The following SPTBN5 variants were observed in gnomAD, a reference collection of about 807,000 sequenced individuals.
The protein encoded by SPTBN5 is spectrin beta chain, non-erythrocytic 5.
Under a neutral mutation model 477.6 loss-of-function variants are expected in SPTBN5, and 513 were observed. The observed-to-expected ratio is 1.07, with a 90% CI of 1.00 to 1.16. The LOEUF (loss-of-function observed/expected upper bound fraction) is 1.16. Ranked by LOEUF, SPTBN5 falls within the 50% of genes most tolerant of loss-of-function variation. SPTBN5 has a pLI of 0.00. For synonymous variants in SPTBN5, 2,169 were observed against 2,011.7 expected (o/e 1.08, Z -2.09); for missense variants, 5,062 against 4,731.8 (o/e 1.07, Z -2.05).
intron 62 of SPTBN5, 138 bp from the exon 63 acceptor site, chr15:41,851,988 TC>T: frequency 1.1e-6 from 1 of 913,338 alleles, no homozygotes; most frequent in Non-Finnish European, 1.7e-6. Flanking sequence ...GCTTCTAAGA[TC>T]AGATGAGATC....
At position 41,870,432 on chromosome 15, in the gene SPTBN5, C is replaced by A. The variant is rs558698612; in HGVS notation, c.5562+14G>T. 6.8e-6 allele frequency: 11 copies of A among 1,612,852 alleles called. No individual in the cohort carries two copies. In the Middle Eastern group the frequency reaches 4.9e-4, roughly 72 times the overall value. ...TGGAGTGTATCCACTTCTAGCCACC[C>A]CTCCGGCTCACACCTGGACCTGGGT... is the stretch of plus-strand genomic sequence containing the variant. On this transcript the variant is annotated intron_variant, in intron 30 of 67. Transcript: ENST00000320955.
intron 3 of SPTBN5, chr15:41,892,686 A>G (rs1266495185): frequency 3.7e-6 from 2 of 544,040 alleles, no homozygotes; most frequent in African/African-American, 3.9e-5. Context: ...TGCTACTGCC[A>G]TGGCCAGCTG....
rs1388836658 is a variant in SPTBN5 at position 41,848,762 on chromosome 15, GCTGA to G, written c.11013-138_11013-135del. ...AATAAGCGTGGGAGTGGATTCCAGA[GCTGA>G]CTGACAGGCGCTGCAGCAGCGACCA... On this transcript the variant is annotated intron_variant, in intron 67 of 67. Coordinates refer to ENST00000320955, the MANE Select transcript of SPTBN5 (RefSeq NM_016642.4). 18 of 1,077,262 alleles carry G rather than the reference GCTGA, an allele frequency of 1.7e-5. 1 individual carries two copies. Among genetic ancestry groups the G allele is most frequent in the South Asian group, 7.6e-5 (6 of 79,350 alleles). 66.7% of individuals were successfully genotyped at this position (1,077,262 alleles called of 1,614,324 possible).
In SPTBN5 at chr15:41,887,218, T is replaced by A; in HGVS notation, c.883A>T (p.Thr295Ser). The change falls in exon 6 of 68, where the codon ACT becomes TCT. Residue 295 changes from threonine (T) to serine (S), a missense_variant. Coordinates refer to ENST00000320955, the MANE Select transcript of SPTBN5 (RefSeq NM_016642.4). ...ACCCCTCCTTTCTCCCCCACCTTAG[T>A]GAGTCTCCTCTGGACAGTCTGCCCC... ...HQGQTVQRRL[T>S]KILLQLQETE... is the part of the protein sequence containing the mutation. 3 of 1,550,746 alleles carry A rather than the reference T, an allele frequency of 1.9e-6. No individual in the cohort carries two copies. Among genetic ancestry groups the A allele is most frequent in the Non-Finnish European group, 2.6e-6 (3 of 1,146,294 alleles).
At chr15:41,866,004 C>T in intron 38 of SPTBN5, 34 bp downstream of exon 38, 1 of 1,548,520 alleles carries the variant, frequency 6.5e-7, no homozygotes, top group Non-Finnish European at 8.7e-7. Context: ...GCTCCTCCCC[C>T]CATCTCTCAG....
At chr15:41,876,419 C>T (rs2066729549) in intron 20 of SPTBN5, 129 bp downstream of exon 20, 1 of 1,357,220 alleles carries the variant, frequency 7.4e-7, no homozygotes, top group South Asian at 1.3e-5. Flanking sequence ...TTGCCTGCCT[C>T]ACAGAAGGTG....
chr15:41,849,979 CCACTGTT>C lies in SPTBN5; in HGVS notation c.10922-27_10922-21del. ...TCTGGGCTGCAGAGCAAGGGAATAACCACTGTTAGCCCGGCCCAGACCATCTGCAGGC... is the reference window on the plus strand; with the variant it reads ...TCTGGGCTGCAGAGCAAGGGAATAACAGCCCGGCCCAGACCATCTGCAGGC... On this transcript the variant is annotated intron_variant, in intron 66 of 67. Transcript: ENST00000320955. 6.4e-7 allele frequency: 1 copy of C among 1,560,238 alleles called. No individual in the cohort carries two copies. The highest frequency in any genetic ancestry group is 8.7e-7 in the Non-Finnish European group (1 of 1,149,296).
intron 2 of SPTBN5, 75 bp from the exon 3 acceptor site, chr15:41,893,136 C>G: frequency 1.3e-6 from 2 of 1,570,656 alleles, no homozygotes; most frequent in Non-Finnish European, 1.7e-6. Context: ...CTGAGAGGTA[C>G]GACCCAGAGC....
intron 6 of SPTBN5, 78 bp downstream of exon 6, chr15:41,887,135 C>T (rs948740037): frequency 2.8e-5 from 37 of 1,324,412 alleles, no homozygotes; most frequent in South Asian, 6.4e-5. Context: ...ACAGCTAGTA[C>T]GTGGCAGGGC....
At chr15:41,853,036 G>A in intron 59 of SPTBN5, 36 bp from the exon 60 acceptor site, 2 of 1,479,542 alleles carry the variant, frequency 1.4e-6, no homozygotes, top group Non-Finnish European at 9.0e-7. Context: ...GACAGCTTGG[G>A]TAGGGCTCCC....
chr15:41,853,129 C>T (rs2065828075), intron 59 of SPTBN5, 129 bp from the exon 60 acceptor site: 3 of 1,451,356 alleles, frequency 2.1e-6, no homozygotes, highest in Non-Finnish European at 2.8e-6. Flanking sequence ...TGCCCCTTCC[C>T]AGCCTCTCTC....
At chr15:41,870,997 G>C (rs1351050948) in intron 29 of SPTBN5, among the ~76,000 whole-genome samples, 1 of 152,246 alleles carries the variant, frequency 6.6e-6, no homozygotes, top group African/African-American at 2.4e-5. Context: ...TTGCCTCAAA[G>C]CTCACAGGCT....
chr15:41,892,498 A>G (rs1461693145), intron 3 of SPTBN5, among the ~76,000 whole-genome samples: 1 of 152,176 alleles, frequency 6.6e-6, no homozygotes, highest in Non-Finnish European at 1.5e-5. Context: ...TTAGTCCCAC[A>G]TCTGGGCTCT....
Position 41,876,114 on chromosome 15 carries a change from C to G in SPTBN5, c.4122G>C (p.Gln1374His), listed in dbSNP as rs1418736453. 1 of 1,597,576 alleles carries G rather than the reference C, an allele frequency of 6.3e-7. No homozygotes were observed. Among genetic ancestry groups the G allele is most frequent in the South Asian group, 1.1e-5 (1 of 90,980 alleles). The change falls in exon 21 of 68, where the codon CAG becomes CAC. Residue 1374 changes from glutamine to histidine, a missense_variant and splice_region_variant. Physicochemically the swap from Gln to His is conservative, Grantham distance 24 (BLOSUM62 0). Transcript: ENST00000320955. ...ATRRHVEALQ[Q>H]VGRELLSRRP... ...GCACCCTCTGTCCCGTGTCCCCCAC[C>G]TGCTGCAGGGCCTCCACGTGTCTGC...
In SPTBN5 at chr15:41,893,299, C is replaced by G. The variant is rs759525342; in HGVS notation, c.199G>C (p.Val67Leu). 6.2e-7 allele frequency: 1 copy of G among 1,613,986 alleles called. No homozygotes were observed. The highest frequency in any genetic ancestry group is 1.7e-5 in the Admixed American group (1 of 60,022). The change falls in exon 2 of 68, where the codon GTC becomes CTC. Residue 67 changes from valine to leucine, a missense_variant. By Grantham distance (32) the Val-to-Leu change is conservative. Transcript: ENST00000320955. ...EKTFTKWINNVFQCGQAGIKI... is the reference protein window; with the variant it reads ...EKTFTKWINNLFQCGQAGIKI... ...ATACTCACCTGGCCGCACTGGAAGA[C>G]GTTATTGATCCACTTGGTGAAAGTC...
intron 62 of SPTBN5, 28 bp downstream of exon 62, chr15:41,852,154 G>T (rs1403722784): frequency 6.4e-7 from 1 of 1,551,476 alleles, no homozygotes; most frequent in Non-Finnish European, 8.7e-7. Context: ...CACGGCGGGG[G>T]TGCCTGCAGC....
rs1276059840 is a variant in SPTBN5 at position 41,882,578 on chromosome 15, C to G, written c.2046+7G>C. On this transcript the variant is annotated splice_region_variant and intron_variant, in intron 10 of 67. Transcript: ENST00000320955. ...GCGACCGGCGGGCGCGCTCGGGGAG[C>G]TGACACCTTGTGTTTCTGCAGGGCG... 5.7e-6 allele frequency: 9 copies of G among 1,592,848 alleles called. No individual in the cohort carries two copies. Among genetic ancestry groups the G allele is most frequent in the Non-Finnish European group, 6.8e-6 (8 of 1,171,626 alleles).
rs749432705 is a variant in SPTBN5, at chr15:41,866,439, C to T, written c.6535G>A (p.Gly2179Arg). Residue 2179 changes from glycine to arginine, a missense_variant, in exon 37 of 68, where the codon GGG (glycine) becomes AGG (arginine). Gly to Arg is a moderately radical substitution (Grantham distance 125). Coordinates refer to ENST00000320955, the MANE Select transcript of SPTBN5 (RefSeq NM_016642.4). ...GGCTTCAGCTTATCTCTCAGGTCCCCAGGAGGGACCGGCTCCTTCAGCTGC... is the reference window on the plus strand; with the variant it reads ...GGCTTCAGCTTATCTCTCAGGTCCCTAGGAGGGACCGGCTCCTTCAGCTGC... ...AQQLKEPVPP[G>R]DLRDKLKPLL... 8.1e-6 allele frequency: 13 copies of T among 1,605,280 alleles called. No individual in the cohort carries two copies. Among genetic ancestry groups the T allele is most frequent in the South Asian group, 1.1e-5 (1 of 89,676 alleles).
In SPTBN5 at chr15:41,887,441, C is replaced by T. The variant is rs1280099006; in HGVS notation, c.660G>A (p.Arg220=). The T allele has an allele frequency of 1.3e-6, 2 of 1,551,110 alleles. No homozygotes were observed. The highest frequency in any genetic ancestry group is 1.7e-6 in the Non-Finnish European group (2 of 1,147,132). ...GGGAGCCGTAGTCCAACAGGTCTGG[C>T]CTGGACAGACAGTGAGAAGGGCTCT... is the stretch of plus-strand genomic sequence containing the variant. ...LGFNALIHAH[R]PDLLDYGSLR... The change falls in exon 6 of 68, where the codon AGG becomes AGA. Residue 220 remains arginine (R), a splice_region_variant and synonymous_variant. Coordinates refer to ENST00000320955, the MANE Select transcript of SPTBN5 (RefSeq NM_016642.4).
Sources: allele counts gnomAD v4.1 joint callset (sites outside exome capture counted in the v4.1 genomes callset), GRCh38; gene constraint gnomAD v4.1.1; transcripts MANE v1.5; gene names NCBI Gene and HGNC (gene_info 2026-07-23, HGNC 2026-07-21).